SBF2: variants seen among roughly 807,000 people sequenced by gnomAD.
The protein encoded by SBF2 is myotubularin-related protein 13.
SBF2 carries 112 observed loss-of-function variants against 225.2 expected under a neutral mutation model. That is an observed-to-expected ratio of 0.50 (90% CI 0.43 to 0.58). SBF2 has a LOEUF of 0.58. SBF2 is among the 20% of genes least tolerant of loss of function. The pLI, the probability that SBF2 is intolerant of heterozygous loss-of-function variation, is 0.00. For synonymous variants in SBF2, 763 were observed against 773.3 expected (o/e 0.99, Z 0.22); for missense variants, 1,996 against 2,206.2 (o/e 0.90, Z 1.91).
At chr11:9,957,737 G>T (rs1227289152) in intron 16 of SBF2, 2 of 152,178 alleles carry the variant, frequency 1.3e-5, no homozygotes, top group African/African-American at 2.4e-5. Context: ...GGAATTACAG[G>T]CATGAGCCAC....
At chr11:10,085,464 A>G (rs1440251054) in intron 2 of SBF2, among the ~76,000 whole-genome samples, 6 of 152,092 alleles carry the variant, frequency 3.9e-5, no homozygotes, top group Non-Finnish European at 7.3e-5. Context: ...GTTTATTTCA[A>G]TGACTGTATT....
At chr11:9,833,346 A>G (rs1281842628) in intron 26 of SBF2, among the ~76,000 whole-genome samples, 4 of 152,138 alleles carry the variant, frequency 2.6e-5, no homozygotes, top group Non-Finnish European at 5.9e-5. Flanking sequence ...TTTTTAGTTT[A>G]ATTAGAAATA....
intron 16 of SBF2, among the ~76,000 whole-genome samples, chr11:9,899,258 C>A (rs1861523285): frequency 6.6e-6 from 1 of 151,352 alleles, no homozygotes; most frequent in Non-Finnish European, 1.5e-5. Flanking sequence ...CTTTGGGAAG[C>A]CAAGGCAGGA....
chr11:10,126,170 C>A (rs1040910366), intron 2 of SBF2, among the ~76,000 whole-genome samples: 1 of 152,096 alleles, frequency 6.6e-6, no homozygotes, highest in Non-Finnish European at 1.5e-5. Context: ...GATTTAATAA[C>A]TGTGTATGTT....
At chr11:9,784,479 C>A (rs369845845) in intron 37 of SBF2, 41 bp from the exon 38 acceptor site, 21 of 1,442,594 alleles carry the variant, frequency 1.5e-5, no homozygotes, top group Non-Finnish European at 2.0e-5. Flanking sequence ...TTGATTTACA[C>A]TTACAAAATG....
chr11:10,033,663 AAC>A (rs66939707), intron 3 of SBF2, among the ~76,000 whole-genome samples: 104,720 of 149,658 alleles, frequency 0.7, 36,614 homozygotes, highest in Non-Finnish European at 0.73. Context: ...GCTGTGATTA[AAC>A]ACACACACAC....
chr11:9,983,199 G>A (rs767240370), intron 13 of SBF2, among the ~76,000 whole-genome samples: 16 of 152,180 alleles, frequency 1.1e-4, no homozygotes, highest in Non-Finnish European at 1.9e-4. Flanking sequence ...CTGGCAGCCC[G>A]TCTTGCCCTC....
intron 6 of SBF2, among the ~76,000 whole-genome samples, chr11:10,004,605 T>C: frequency 9.0e-6 from 1 of 111,370 alleles, no homozygotes; most frequent in African/African-American, 3.3e-5. Flanking sequence ...ACAAACTACA[T>C]ACCTCCCATA....
At chr11:10,144,952 C>T (rs1954819187) in intron 2 of SBF2, among the ~76,000 whole-genome samples, 1 of 152,196 alleles carries the variant, frequency 6.6e-6, no homozygotes, top group Non-Finnish European at 1.5e-5. Context: ...TTCTCTTTAG[C>T]ATGTGTTCAA....
Position 9,789,178 on chromosome 11 carries a change from C to G in SBF2, c.4863G>C (p.Arg1621Ser). The G allele has an allele frequency of 6.2e-7, 1 of 1,614,138 alleles. No homozygotes were observed. The highest frequency in any genetic ancestry group is 8.5e-7 in the Non-Finnish European group (1 of 1,180,018). The stretch of plus-strand genomic sequence containing the variant: ...CATCATAGCATGGCCACACTGTTCT[C>G]CTCTGGCTCCGTGGCCCAGCTTCTC... ...LAGEAGPRSQ[R>S]RTVWPCYDDV... Residue 1621 changes from arginine (R) to serine (S), a missense_variant, in exon 35 of 40, where the codon AGG becomes AGC. Transcript: ENST00000256190.
chr11:10,161,561 A>G (rs1955737593), intron 2 of SBF2, among the ~76,000 whole-genome samples: 1 of 152,212 alleles, frequency 6.6e-6, no homozygotes, highest in Admixed American at 6.5e-5. Flanking sequence ...ATATATGGCA[A>G]TATGCCTAAC....
In SBF2 at chr11:10,232,103, G is replaced by A. The variant is rs187555871; in HGVS notation, c.56-38116C>T. ...GGGCTCCATGGGCATAGGACCCTCCGAGCCAGGTGCGGGATATAATCTCCT... is the reference window on the plus strand; with the variant it reads ...GGGCTCCATGGGCATAGGACCCTCCAAGCCAGGTGCGGGATATAATCTCCT... On this transcript the variant is annotated intron_variant, in intron 1 of 39. Transcript: ENST00000256190. Among the ~76,000 whole-genome samples, 20 of 152,338 alleles carry A rather than the reference G, an allele frequency of 1.3e-4. No homozygotes were observed. In the East Asian group the frequency reaches 1.4e-3, roughly 10 times the overall value.
intron 16 of SBF2, among the ~76,000 whole-genome samples, chr11:9,955,314 T>C (rs781038063): frequency 3.3e-5 from 5 of 152,014 alleles, no homozygotes; most frequent in Non-Finnish European, 5.9e-5. Context: ...ATCATATACA[T>C]ACATACATAC....
At chr11:9,849,452 G>C (rs933696960) in intron 22 of SBF2, among the ~76,000 whole-genome samples, 1 of 152,182 alleles carries the variant, frequency 6.6e-6, no homozygotes, top group African/African-American at 2.4e-5. Context: ...GGTAGGGCAT[G>C]CTATTCCTTT....
chr11:9,826,919 C>T (rs890498678), intron 28 of SBF2, among the ~76,000 whole-genome samples: 4 of 151,974 alleles, frequency 2.6e-5, no homozygotes, highest in African/African-American at 9.7e-5. Context: ...GTCTATGCAA[C>T]CTCTGCCTCC....
At chr11:10,206,165 C>T (rs1055230178) in intron 1 of SBF2, among the ~76,000 whole-genome samples, 1 of 151,232 alleles carries the variant, frequency 6.6e-6, no homozygotes, top group African/African-American at 2.4e-5. Context: ...AGTCCCCTCC[C>T]CCACCAAGAG....
chr11:10,116,422 G>A (rs1036045884), intron 2 of SBF2, among the ~76,000 whole-genome samples: 1 of 152,096 alleles, frequency 6.6e-6, no homozygotes, highest in Non-Finnish European at 1.5e-5. Context: ...ACTGGTTGCT[G>A]AATTACAATG....
chr11:9,808,114 T>C lies in SBF2; in HGVS notation c.4329A>G (p.Glu1443=). 1 of 1,614,232 alleles carries C rather than the reference T, an allele frequency of 6.2e-7. No individual in the cohort carries two copies. The highest frequency in any genetic ancestry group is 1.1e-5 in the South Asian group (1 of 91,080). ...RTLEGFQMLV[E]KEWLSFGHKF... ...TGTGACCAAAAGAGAGCCACTCTTT[T>C]TCAACCAACATCTGGAAGCCTTCAA... is the stretch of plus-strand genomic sequence containing the variant. Residue 1443 remains glutamate, a synonymous_variant, in exon 32 of 40, where the codon GAA becomes GAG. Coordinates refer to ENST00000256190, the MANE Select transcript of SBF2 (RefSeq NM_030962.4).
At chr11:10,188,008 C>T (rs1957005509) in intron 2 of SBF2, among the ~76,000 whole-genome samples, 1 of 152,116 alleles carries the variant, frequency 6.6e-6, no homozygotes, top group Admixed American at 6.5e-5. Context: ...AATAACATCC[C>T]TGTAGGAAAA....
Sources: gnomAD v4.1 joint callset for allele counts (sites outside exome capture counted in the v4.1 genomes callset) on GRCh38, gnomAD v4.1.1 for gene constraint, MANE v1.5 for transcripts, NCBI Gene and HGNC (gene_info 2026-07-23, HGNC 2026-07-21) for gene names.